TFCP2: variants seen among roughly 807,000 people sequenced by gnomAD.
TFCP2 encodes alpha-globin transcription factor CP2.
Under a neutral mutation model 73.4 loss-of-function variants are expected in TFCP2, and 33 were observed. That is an observed-to-expected ratio of 0.45 (90% confidence interval 0.34 to 0.60). TFCP2 has a LOEUF of 0.60. TFCP2 is among the 20% of genes least tolerant of loss of function. The pLI is 0.01. For synonymous variants in TFCP2, 193 were observed against 211.6 expected, an observed-to-expected ratio of 0.91 and a Z score of 0.76; for missense variants, 352 against 604.0, an observed-to-expected ratio of 0.58 and a Z score of 4.37.
chr12:51,127,681 GAAAGA>G (rs942842467), intron 1 of TFCP2, among the ~76,000 whole-genome samples: 4 of 152,068 alleles, frequency 2.6e-5, no homozygotes, highest in African/African-American at 9.7e-5. Context: ...CTTGAAAGTA[GAAAGA>G]AAAGAAGAAA....
chr12:51,139,047 G>A (rs201244724), intron 1 of TFCP2, among the ~76,000 whole-genome samples: 1 of 152,142 alleles, frequency 6.6e-6, no homozygotes, highest in Non-Finnish European at 1.5e-5. Context: ...AATGTTATTT[G>A]CCCCTTGTCT....
chr12:51,153,911 TATC>T (rs1427334886), intron 1 of TFCP2, among the ~76,000 whole-genome samples: 1 of 152,232 alleles, frequency 6.6e-6, no homozygotes, highest in Non-Finnish European at 1.5e-5. Context: ...GAAACAGTTG[TATC>T]ATAATTCTAC....
At chr12:51,140,431 TTTCTTTTCTTTTTC>T (rs918370174) in intron 1 of TFCP2, among the ~76,000 whole-genome samples, 5 of 143,982 alleles carry the variant, frequency 3.5e-5, no homozygotes, top group African/African-American at 1.3e-4. Flanking sequence ...CTTTTCTATC[TTTCTTTTCTTTTTC>T]TTTTTTTTTT....
chr12:51,130,015 G>A (rs1249164806), intron 1 of TFCP2, among the ~76,000 whole-genome samples: 1 of 151,970 alleles, frequency 6.6e-6, no homozygotes, highest in East Asian at 1.9e-4. Context: ...GCTGGGCATG[G>A]TTCTGTGCAT....
intron 1 of TFCP2, among the ~76,000 whole-genome samples, chr12:51,126,232 C>CAAA (rs371407608): frequency 1.7e-4 from 15 of 87,670 alleles, no homozygotes; most frequent in East Asian, 3.4e-4. Context: ...GACTCTGTCT[C>CAAA]AAAAAAAAAA....
chr12:51,129,254 C>T (rs1280400058), intron 1 of TFCP2, among the ~76,000 whole-genome samples: 4 of 152,144 alleles, frequency 2.6e-5, no homozygotes, highest in Non-Finnish European at 5.9e-5. Context: ...TAGCTCATGC[C>T]TGTAATCCCA....
At chr12:51,116,281 G>A in intron 4 of TFCP2, 34 bp downstream of exon 4, 2 of 1,279,482 alleles carry the variant, frequency 1.6e-6, no homozygotes, top group Non-Finnish European at 2.2e-6. Flanking sequence ...CATAGCTAAA[G>A]GCATTTCCTA....
chr12:51,135,178 G>C (rs1324016844), intron 1 of TFCP2, among the ~76,000 whole-genome samples: 4 of 151,594 alleles, frequency 2.6e-5, no homozygotes, highest in African/African-American at 7.3e-5. Context: ...TGTAATCCCA[G>C]CACTTTGGGA....
chr12:51,144,044 T>G lies in TFCP2; in HGVS notation c.123-25272A>C, dbSNP rs145630816. ...GACAAGATGATTCTTAAAAAAAATTTTTTTTTGAGACAGGGTCTCATTGCT... is the reference window on the plus strand; with the variant it reads ...GACAAGATGATTCTTAAAAAAAATTGTTTTTTGAGACAGGGTCTCATTGCT... On this transcript the variant is annotated intron_variant, in intron 1 of 14. Coordinates refer to ENST00000257915, the MANE Select transcript of TFCP2 (RefSeq NM_005653.5). 1.5e-4 allele frequency among the ~76,000 whole-genome samples: 23 copies of G among 152,274 alleles called. 1 individual carries two copies. The East Asian group carries it at 4.4e-3, about 29-fold the overall frequency.
intron 4 of TFCP2, among the ~76,000 whole-genome samples, chr12:51,114,781 A>T (rs1293464071): frequency 6.6e-6 from 1 of 150,568 alleles, no homozygotes; most frequent in Non-Finnish European, 1.5e-5. Flanking sequence ...AGAAAGCAAC[A>T]GGCCAGGTGT....
rs1042635067 is a variant in TFCP2 at position 51,104,209 on chromosome 12, G to A, written c.918-6C>T. The A allele has an allele frequency of 9.3e-6, 15 of 1,613,414 alleles. No individual in the cohort carries two copies. The East Asian group carries it at 3.3e-4, about 36-fold the overall frequency. On this transcript the variant is annotated splice_polypyrimidine_tract_variant and splice_region_variant and intron_variant, in intron 8 of 14. Transcript: ENST00000257915. Reference sequence around the variant, plus strand: ...GGTGGTTTGGTGAACCATTTCTAAAGAAACATTTAAAATGAAAGGATGAGT... The same window carrying A: ...GGTGGTTTGGTGAACCATTTCTAAAAAAACATTTAAAATGAAAGGATGAGT...
intron 1 of TFCP2, chr12:51,124,904 C>T (rs1427552657): frequency 6.3e-6 from 6 of 954,242 alleles, no homozygotes; most frequent in South Asian, 1.3e-5. Flanking sequence ...TCAGATATGT[C>T]AAGGACACGT....
intron 1 of TFCP2, among the ~76,000 whole-genome samples, chr12:51,121,362 T>C (rs888561484): frequency 2.0e-5 from 3 of 148,208 alleles, no homozygotes; most frequent in Admixed American, 1.3e-4. Flanking sequence ...GAGGTTGCAG[T>C]GAGCCAAGAT....
intron 1 of TFCP2, among the ~76,000 whole-genome samples, chr12:51,128,478 T>TAAAAAAAAA (rs11324129): frequency 7.3e-6 from 1 of 137,304 alleles, no homozygotes. Context: ...AGTATAATAA[T>TAAAAAAAAA]AAAAAAAAAA....
intron 1 of TFCP2, among the ~76,000 whole-genome samples, chr12:51,122,248 CTTTTCTTT>C (rs903196028): frequency 8.3e-6 from 1 of 121,190 alleles, no homozygotes; most frequent in African/African-American, 3.1e-5. Flanking sequence ...TATTTTTTTT[CTTTTCTTT>C]TTTTTTTTTT....
intron 1 of TFCP2, among the ~76,000 whole-genome samples, chr12:51,161,926 T>C (rs895177855): frequency 6.9e-6 from 1 of 145,346 alleles, no homozygotes; most frequent in Non-Finnish European, 1.5e-5. Flanking sequence ...CTAAAGGAAA[T>C]CAGGAGAACA....
intron 13 of TFCP2, among the ~76,000 whole-genome samples, chr12:51,096,552 G>A (rs1002726261): frequency 6.6e-6 from 1 of 152,192 alleles, no homozygotes; most frequent in Non-Finnish European, 1.5e-5. Flanking sequence ...GAAGGTGAAC[G>A]CTAATAACTG....
chr12:51,113,540 A>G (rs1940449590), intron 4 of TFCP2, among the ~76,000 whole-genome samples: 1 of 152,146 alleles, frequency 6.6e-6, no homozygotes, highest in South Asian at 2.1e-4. Flanking sequence ...CATGCTGGGG[A>G]AAAAAGTCTG....
chr12:51,116,732 C>T (rs1039560561), intron 3 of TFCP2, among the ~76,000 whole-genome samples: 11 of 151,932 alleles, frequency 7.2e-5, no homozygotes, highest in Non-Finnish European at 1.5e-4. Flanking sequence ...ATTCTCCTGC[C>T]TCAGCCTCCT....
Sources: allele counts gnomAD v4.1 joint callset (sites outside exome capture counted in the v4.1 genomes callset), GRCh38; gene constraint gnomAD v4.1.1; transcripts MANE v1.5; gene names NCBI Gene and HGNC (gene_info 2026-07-23, HGNC 2026-07-21).